RBM25: variants seen among roughly 807,000 people sequenced by gnomAD.
RBM25 encodes RNA-binding protein 25.
Under a neutral mutation model 120.7 loss-of-function variants are expected in RBM25, and 19 were observed. The ratio of observed to expected loss-of-function variants is 0.16; its 90% CI spans 0.11 to 0.23. The LOEUF (loss-of-function observed/expected upper bound fraction) is 0.23. Ranked by LOEUF, RBM25 falls within the 10% of genes least tolerant of loss-of-function variation. The pLI, the probability that RBM25 is intolerant of heterozygous loss-of-function variation, is 1.00. For synonymous variants in RBM25, 390 were observed against 326.7 expected (o/e 1.19, Z -2.09); for missense variants, 605 against 1,041.5 (o/e 0.58, Z 5.77).
Position 73,103,992 on chromosome 14 carries a change from A to ACTCT in RBM25, c.1154+515_1154+516insTCTC, listed in dbSNP as rs1202202198. Among the ~76,000 whole-genome samples the ACTCT allele has an allele frequency of 3.3e-3, 379 of 113,576 alleles. 3 individuals carry two copies. Among genetic ancestry groups the ACTCT allele is most frequent in the Admixed American group, 0.016 (160 of 9,964 alleles). The allele number at this position is 113,576 out of a possible 152,430, so 74.5% of individuals were successfully genotyped here. ...CACACACACACACACACACACACAC[A>ACTCT]CACTCTCTCTCTCTCTCTCTCTCTC... On this transcript the variant is annotated intron_variant, in intron 10 of 18. Transcript: ENST00000261973.
chr14:73,103,905 GTCTCTCTCTCTCTCTCTCTCTC>G (rs72346306), intron 10 of RBM25, among the ~76,000 whole-genome samples: 23 of 91,746 alleles, frequency 2.5e-4, no homozygotes, highest in African/African-American at 7.2e-4. Context: ...CTGTCTGTCT[GTCTCTCTCTCTCTCTCTCTCTC>G]TCTCTCTCTC....
rs1010125981 is a variant in RBM25 at position 73,120,941 on chromosome 14, A to C, written c.*1136A>C. 3 of 152,168 alleles carry C rather than the reference A, an allele frequency of 2.0e-5. No homozygotes were observed. Among genetic ancestry groups the C allele is most frequent in the African/African-American group, 7.2e-5 (3 of 41,436 alleles). The allele number at this position is 152,168 out of a possible 1,614,324, so 9.4% of individuals were successfully genotyped here. A position where few individuals can be genotyped will look rare whatever the true frequency, so the allele number is the denominator to read the frequency against. On this transcript the variant is annotated 3_prime_UTR_variant, in exon 19 of 19. Coordinates refer to ENST00000261973, the MANE Select transcript of RBM25 (RefSeq NM_021239.3). ...TTTGTTTTCATTTTTGTCTTGTAGAAGGTTTATATCTTGTTTTACCTTGGC... is the reference window on the plus strand; with the variant it reads ...TTTGTTTTCATTTTTGTCTTGTAGACGGTTTATATCTTGTTTTACCTTGGC...
intron 15 of RBM25, 104 bp from the exon 16 acceptor site, chr14:73,111,424 A>C: frequency 7.9e-7 from 1 of 1,269,910 alleles, no homozygotes. Flanking sequence ...TCTTTCTCTA[A>C]GATTTGTGGA....
intron 14 of RBM25, among the ~76,000 whole-genome samples, chr14:73,110,511 C>T (rs961086940): frequency 3.3e-5 from 5 of 151,860 alleles, no homozygotes; most frequent in Non-Finnish European, 5.9e-5. Flanking sequence ...TCACTGCAAC[C>T]TCCACCTCCC....
At chr14:73,065,836 T>G (rs1374568985) in intron 1 of RBM25, among the ~76,000 whole-genome samples, 1 of 152,150 alleles carries the variant, frequency 6.6e-6, no homozygotes, top group Non-Finnish European at 1.5e-5. Context: ...ATTACAGGTG[T>G]GAGCCACCGC....
chr14:73,097,196 CTTTTTTTTTTTTTTTTT>C (rs11390922), intron 7 of RBM25, 96 bp downstream of exon 7: 4 of 137,532 alleles, frequency 2.9e-5, no homozygotes, highest in Non-Finnish European at 4.2e-5. Flanking sequence ...TTTTTCTTTT[CTTTTTTTTTTTTTTTTT>C]TTTTTGAGAT....
intron 1 of RBM25, among the ~76,000 whole-genome samples, chr14:73,066,323 T>C (rs543542142): frequency 6.6e-6 from 1 of 152,262 alleles, no homozygotes; most frequent in East Asian, 1.9e-4. Context: ...TTCTAATACC[T>C]CATTTGCCAA....
At position 73,103,422 on chromosome 14, in the gene RBM25, T is replaced by C; in HGVS notation, c.1098T>C (p.Asp366=). The part of the protein sequence containing the change: ...ERDRDRDRER[D]RDRDRERSSD... ...ACCGAGATCGGGATCGAGAGAGAGA[T>C]CGTGACCGGGATAGAGAAAGGAGCT... The change falls in exon 10 of 19, where the codon GAT becomes GAC. Residue 366 remains aspartate, a synonymous_variant. Transcript: ENST00000261973. 5 of 1,613,288 alleles carry C rather than the reference T, an allele frequency of 3.1e-6. No homozygotes were observed. The highest frequency in any genetic ancestry group is 3.4e-6 in the Non-Finnish European group (4 of 1,179,744).
chr14:73,103,946 TCTCACACACACACACACACACACACACA>T (rs1896118928), intron 10 of RBM25, among the ~76,000 whole-genome samples: 3 of 43,944 alleles, frequency 6.8e-5, no homozygotes, highest in Non-Finnish European at 1.3e-4. Context: ...TCTCTCTCTC[TCTCACACACACACACACACACACACACA>T]CACACACACA....
intron 18 of RBM25, among the ~76,000 whole-genome samples, chr14:73,117,885 A>AG (rs1290380049): frequency 6.6e-6 from 1 of 152,184 alleles, no homozygotes; most frequent in Non-Finnish European, 1.5e-5. Context: ...CCCCTTCAGA[A>AG]GGGAGCAGAG....
chr14:73,065,781 C>G (rs982269223), intron 1 of RBM25, among the ~76,000 whole-genome samples: 2 of 151,620 alleles, frequency 1.3e-5, no homozygotes, highest in Non-Finnish European at 2.9e-5. Context: ...TCTCGAACTC[C>G]TGACCTCCAG....
intron 1 of RBM25, among the ~76,000 whole-genome samples, chr14:73,071,112 C>T (rs745320330): frequency 4.0e-5 from 6 of 151,772 alleles, no homozygotes; most frequent in African/African-American, 1.2e-4. Flanking sequence ...CGTGGTGGTA[C>T]GCTCCTGTAG....
intron 1 of RBM25, among the ~76,000 whole-genome samples, chr14:73,071,086 AC>A (rs1895276945): frequency 6.6e-6 from 1 of 151,858 alleles, no homozygotes; most frequent in African/African-American, 2.4e-5. Context: ...TACTGAAAAT[AC>A]AAAAATTAGC....
intron 2 of RBM25, among the ~76,000 whole-genome samples, chr14:73,073,052 G>A (rs1053796630): frequency 6.6e-6 from 1 of 152,022 alleles, no homozygotes; most frequent in Admixed American, 6.6e-5. Flanking sequence ...GAGGAGCTGG[G>A]ACCACAGGCT....
chr14:73,098,007 T>C (rs1895985367), intron 7 of RBM25, among the ~76,000 whole-genome samples: 1 of 152,190 alleles, frequency 6.6e-6, no homozygotes, highest in East Asian at 1.9e-4. Flanking sequence ...CTGACACATG[T>C]AGTCCCAGCA....
At position 73,095,606 on chromosome 14, in the gene RBM25, C is replaced by CAA. The variant is rs202107039; in HGVS notation, c.544-1297_544-1296dup. 2.6e-4 allele frequency among the ~76,000 whole-genome samples: 34 copies of CAA among 128,840 alleles called. 1 individual carries two copies. The highest frequency in any genetic ancestry group is 2.4e-3 in the East Asian group (11 of 4,672). The allele number at this position is 128,840 out of a possible 152,430, so 84.5% of individuals were successfully genotyped here. On this transcript the variant is annotated intron_variant, in intron 6 of 18. Coordinates refer to ENST00000261973, the MANE Select transcript of RBM25 (RefSeq NM_021239.3). ...TGGGCAACAGAGCAAGACTCCGCCT[C>CAA]AAAAAAAAAAAAAGAATTTGTTGAG...
chr14:73,094,843 CTGTGTG>C (rs755569413), intron 6 of RBM25, among the ~76,000 whole-genome samples: 3 of 79,852 alleles, frequency 3.8e-5, no homozygotes, highest in South Asian at 4.2e-4. Flanking sequence ...GTGTGTGTGT[CTGTGTG>C]TGTGTGTGTG....
chr14:73,067,799 G>A (rs1895177100), intron 1 of RBM25, among the ~76,000 whole-genome samples: 1 of 150,768 alleles, frequency 6.6e-6, no homozygotes, highest in African/African-American at 2.4e-5. Flanking sequence ...TTTTAGTAGA[G>A]ACGGGGTTTC....
Position 73,109,582 on chromosome 14 carries a change from G to A in RBM25, c.1692+90G>A, listed in dbSNP as rs1007652995. 25 of 1,214,226 alleles carry A rather than the reference G, an allele frequency of 2.1e-5. No individual in the cohort carries two copies. Among genetic ancestry groups the A allele is most frequent in the Admixed American group, 9.2e-5 (4 of 43,594 alleles). 75.2% of individuals were successfully genotyped at this position (1,214,226 alleles called of 1,614,324 possible). A position where few individuals can be genotyped will look rare whatever the true frequency, so the allele number is the denominator to read the frequency against. On this transcript the variant is annotated intron_variant, in intron 14 of 18. Transcript: ENST00000261973. ...GCCGAGGCGGGCGGATCACGAGGTC[G>A]GGAGATCGAGATCATCCTGGCTAAC...
Sources: gnomAD v4.1 joint callset for allele counts (sites outside exome capture counted in the v4.1 genomes callset) on GRCh38, gnomAD v4.1.1 for gene constraint, MANE v1.5 for transcripts, NCBI Gene and HGNC (gene_info 2026-07-23, HGNC 2026-07-21) for gene names.